NTF3: variants seen among roughly 807,000 people sequenced by gnomAD.
NTF3 encodes neurotrophin 3.
A neutral mutation model predicts 26.3 loss-of-function variants in NTF3; 8 were observed. That is an observed-to-expected ratio of 0.30 (90% confidence interval 0.18 to 0.55). The LOEUF (loss-of-function observed/expected upper bound fraction) is 0.55. NTF3 is among the 20% of genes least tolerant of loss of function. NTF3 has a pLI of 0.93. For synonymous variants in NTF3, 154 were observed against 145.5 expected, an observed-to-expected ratio of 1.06 and a Z score of -0.42; for missense variants, 276 against 352.9, an observed-to-expected ratio of 0.78 and a Z score of 1.75.
intron 1 of NTF3, among the ~76,000 whole-genome samples, chr12:5,436,243 G>T (rs1263063446): frequency 6.6e-6 from 1 of 152,144 alleles, no homozygotes; most frequent in Non-Finnish European, 1.5e-5. Flanking sequence ...GACTTTATTT[G>T]ACTCATGACA....
chr12:5,467,161 G>A (rs1940600750), intron 1 of NTF3, among the ~76,000 whole-genome samples: 1 of 137,400 alleles, frequency 7.3e-6, no homozygotes, highest in Admixed American at 8.1e-5. Flanking sequence ...CCCAGGAAGT[G>A]AAGGTTGCAA....
intron 1 of NTF3, among the ~76,000 whole-genome samples, chr12:5,437,892 C>T (rs1400132715): frequency 3.3e-5 from 5 of 152,120 alleles, no homozygotes; most frequent in African/African-American, 1.2e-4. Flanking sequence ...TGCGTGCGTG[C>T]TGGGGGACAC....
chr12:5,430,953 G>A (rs1940078475), upstream of NTF3, among the ~76,000 whole-genome samples: 1 of 151,960 alleles, frequency 6.6e-6, no homozygotes, highest in African/African-American at 2.4e-5. Context: ...CTGCTTCCGG[G>A]CTCTCGATTT....
At chr12:5,434,603 A>G (rs549418333) in intron 1 of NTF3, among the ~76,000 whole-genome samples, 1 of 151,890 alleles carries the variant, frequency 6.6e-6, no homozygotes, top group East Asian at 1.9e-4. Flanking sequence ...CTGTGTGCTT[A>G]GCGGGAGACA....
Position 5,495,254 on chromosome 12 carries a change from T to G in NTF3, c.*266T>G, listed in dbSNP as rs71532854. 1,540 of 433,766 alleles carry G rather than the reference T, an allele frequency of 3.6e-3. 8 individuals carry two copies. Among genetic ancestry groups the G allele is most frequent in the Non-Finnish European group, 5.3e-3 (1,229 of 233,712 alleles). 26.9% of individuals were successfully genotyped at this position (433,766 alleles called of 1,614,324 possible). A position where few individuals can be genotyped will look rare whatever the true frequency, so the allele number is the denominator to read the frequency against. On this transcript the variant is annotated 3_prime_UTR_variant, in exon 2 of 2. Coordinates refer to ENST00000423158, the MANE Select transcript of NTF3 (RefSeq NM_001102654.2). ...GTGTACACCAGTATTTTGCATTCAG[T>G]ATTGTCAAGGCCATGACTGTTGTTT... is the stretch of plus-strand genomic sequence containing the variant.
intron 1 of NTF3, among the ~76,000 whole-genome samples, chr12:5,461,049 G>A (rs576370138): frequency 1.8e-4 from 27 of 152,294 alleles, no homozygotes; most frequent in African/African-American, 6.3e-4. Context: ...GGATTTGGGT[G>A]GAGTGTGCAG....
chr12:5,447,850 G>A (rs993641162), intron 1 of NTF3, among the ~76,000 whole-genome samples: 2 of 152,198 alleles, frequency 1.3e-5, no homozygotes, highest in African/African-American at 4.8e-5. Flanking sequence ...ATAAGACATG[G>A]GAAGAAATGT....
chr12:5,488,851 G>A (rs1157581340), intron 1 of NTF3, among the ~76,000 whole-genome samples: 2 of 152,180 alleles, frequency 1.3e-5, no homozygotes, highest in African/African-American at 4.8e-5. Flanking sequence ...TTTGACCCCA[G>A]CCAGAGAATG....
At chr12:5,493,589 G>T (rs764612610) in intron 1 of NTF3, among the ~76,000 whole-genome samples, 1 of 152,138 alleles carries the variant, frequency 6.6e-6, no homozygotes, top group Non-Finnish European at 1.5e-5. Context: ...CGCGGAGTGG[G>T]TAGTGGCCCT....
chr12:5,444,006 G>A (rs1396780408), intron 1 of NTF3, among the ~76,000 whole-genome samples: 1 of 152,220 alleles, frequency 6.6e-6, no homozygotes, highest in Non-Finnish European at 1.5e-5. Flanking sequence ...GCTCGTCACT[G>A]TAATCCTCTG....
chr12:5,470,167 A>C (rs1021651821), intron 1 of NTF3, among the ~76,000 whole-genome samples: 2 of 151,844 alleles, frequency 1.3e-5, no homozygotes, highest in Non-Finnish European at 2.9e-5. Flanking sequence ...CTCGTGATCC[A>C]CCCGCCTCGG....
Position 5,459,432 on chromosome 12 carries a change from C to T in NTF3, c.18+27090C>T, listed in dbSNP as rs151321830. Among the ~76,000 whole-genome samples the T allele has an allele frequency of 2.4e-4, 37 of 152,324 alleles. No homozygotes were observed. In the East Asian group the frequency reaches 6.6e-3, roughly 27 times the overall value. The stretch of plus-strand genomic sequence containing the variant: ...CTCTCAAAGATGTTGCCATTGCTCC[C>T]CTGCTAGAGTGACACACTGCACTCC... On this transcript the variant is annotated intron_variant, in intron 1 of 1. Transcript: ENST00000423158.
intron 1 of NTF3, among the ~76,000 whole-genome samples, chr12:5,472,502 T>C (rs1234607961): frequency 6.6e-6 from 1 of 152,196 alleles, no homozygotes; most frequent in Admixed American, 6.5e-5. Context: ...TTATATGACA[T>C]TCGGGACCTC....
chr12:5,432,432 G>A (rs1428534953), intron 1 of NTF3, 90 bp downstream of exon 1: 38 of 1,442,252 alleles, frequency 2.6e-5, no homozygotes, highest in Non-Finnish European at 3.3e-5. Flanking sequence ...GGTGCGGGGG[G>A]CCCCAGATCC....
At chr12:5,447,534 A>T (rs751893389) in intron 1 of NTF3, among the ~76,000 whole-genome samples, 1 of 152,204 alleles carries the variant, frequency 6.6e-6, no homozygotes, top group African/African-American at 2.4e-5. Context: ...TCTGTCAATC[A>T]CTGTACGCAC....
At chr12:5,432,474 C>A in intron 1 of NTF3, 132 bp downstream of exon 1, 1 of 1,056,796 alleles carries the variant, frequency 9.5e-7, no homozygotes, top group Non-Finnish European at 1.4e-6. Context: ...GCGCCGCGCT[C>A]ACTCACTTTC....
intron 1 of NTF3, among the ~76,000 whole-genome samples, chr12:5,493,382 G>A (rs1015550113): frequency 2.0e-5 from 3 of 152,208 alleles, no homozygotes; most frequent in Admixed American, 1.3e-4. Flanking sequence ...GGAGGCAAGT[G>A]AATCAACAAT....
chr12:5,486,092 G>A (rs745615947), intron 1 of NTF3, among the ~76,000 whole-genome samples: 1 of 152,214 alleles, frequency 6.6e-6, no homozygotes, highest in Non-Finnish European at 1.5e-5. Flanking sequence ...TGTGAAAGGC[G>A]GTTGTCTGTG....
chr12:5,490,988 C>A (rs1466873378), intron 1 of NTF3, among the ~76,000 whole-genome samples: 1 of 152,238 alleles, frequency 6.6e-6, no homozygotes, highest in Non-Finnish European at 1.5e-5. Flanking sequence ...AGTGTGCTCA[C>A]TCTGTACCTG....
Sources: gnomAD v4.1 joint callset for allele counts (sites outside exome capture counted in the v4.1 genomes callset) on GRCh38, gnomAD v4.1.1 for gene constraint, MANE v1.5 for transcripts, NCBI Gene and HGNC (gene_info 2026-07-23, HGNC 2026-07-21) for gene names.